USP14: variants seen among roughly 807,000 people sequenced by gnomAD.
The protein encoded by USP14 is ubiquitin specific peptidase 14, also known as ubiquitin carboxyl-terminal hydrolase 14.
In USP14, 38 loss-of-function variants were observed where a neutral mutation model predicts 76.5. The observed-to-expected ratio is 0.50, with a 90% CI of 0.38 to 0.65. The LOEUF is 0.65. Among genes scored for constraint, USP14 ranks in the 30% least tolerant of loss-of-function variants. USP14 has a pLI of 0.00. For synonymous variants in USP14, 192 were observed against 191.7 expected, an observed-to-expected ratio of 1.00 and a Z score of -0.01; for missense variants, 467 against 586.5, an observed-to-expected ratio of 0.80 and a Z score of 2.10.
rs573882727 is a variant in USP14 at position 208,531 on chromosome 18, C to T, written c.1165-1440C>T. 1.1e-4 allele frequency among the ~76,000 whole-genome samples: 16 copies of T among 152,162 alleles called. 1 individual carries two copies. Among genetic ancestry groups the T allele is most frequent in the African/African-American group, 3.9e-4 (16 of 41,496 alleles). ...TGCTTGCCTTGTGATATAAATTTCC[C>T]TTTCAGCAGTGATTTCACTATATCC... On this transcript the variant is annotated intron_variant, in intron 13 of 15. Coordinates refer to ENST00000261601, the MANE Select transcript of USP14 (RefSeq NM_005151.4).
chr18:169,220 G>A (rs566908249), intron 3 of USP14, among the ~76,000 whole-genome samples: 2 of 151,690 alleles, frequency 1.3e-5, no homozygotes, highest in African/African-American at 2.4e-5. Flanking sequence ...GTGAAACCCC[G>A]TCTCTATTAA....
At chr18:186,318 T>G (rs1366715176) in intron 5 of USP14, among the ~76,000 whole-genome samples, 1 of 152,108 alleles carries the variant, frequency 6.6e-6, no homozygotes, top group African/African-American at 2.4e-5. Flanking sequence ...TAGCTGAGTG[T>G]GGTGGTGTGC....
Position 178,917 on chromosome 18 carries a change from CT to C in USP14, c.196-9del, listed in dbSNP as rs746272562. On this transcript the variant is annotated splice_polypyrimidine_tract_variant and intron_variant, in intron 3 of 15. Transcript: ENST00000261601. The stretch of plus-strand genomic sequence containing the variant: ...ACTTTTAAGGATTTTCATGAAATTA[CT>C]TTTTTTAAAAACAGGGAATGACTCT... The C allele has an allele frequency of 2.5e-6, 4 of 1,581,888 alleles. No individual in the cohort carries two copies. The highest frequency in any genetic ancestry group is 1.9e-5 in the Admixed American group (1 of 52,510).
At chr18:181,972 G>C (rs931976084) in intron 5 of USP14, among the ~76,000 whole-genome samples, 1 of 152,010 alleles carries the variant, frequency 6.6e-6, no homozygotes, top group African/African-American at 2.4e-5. Context: ...TTTGTTGAAG[G>C]CTATTGTTTC....
intron 3 of USP14, among the ~76,000 whole-genome samples, chr18:174,171 T>C (rs779353821): frequency 5.9e-5 from 9 of 152,216 alleles, no homozygotes; most frequent in Admixed American, 3.3e-4. Context: ...TCTTCTAACT[T>C]ACAAACATGG....
rs748931275 is a variant in USP14, at chr18:210,355, CTAA to C, written c.1226-28_1226-26del. The C allele has an allele frequency of 1.3e-3, 1,940 of 1,484,648 alleles. 3 individuals carry two copies. Among genetic ancestry groups the C allele is most frequent in the Middle Eastern group, 1.9e-3 (11 of 5,732 alleles). The allele number at this position is 1,484,648 out of a possible 1,614,324, so 92.0% of individuals were successfully genotyped here. On this transcript the variant is annotated intron_variant, in intron 14 of 15. Transcript: ENST00000261601. The stretch of plus-strand genomic sequence containing the variant: ...GAGAAGGCACATGTCTATTCATTGT[CTAA>C]TATTAATGGATTTACATCTTTCTTT...
chr18:172,244 A>G (rs1405537688), intron 3 of USP14, among the ~76,000 whole-genome samples: 3 of 152,096 alleles, frequency 2.0e-5, no homozygotes, highest in Non-Finnish European at 4.4e-5. Flanking sequence ...TATCTAAAAA[A>G]CGAAAAAGAA....
rs181573697 is a variant in USP14 at position 209,239 on chromosome 18, A to G, written c.1165-732A>G. 4.5e-3 allele frequency among the ~76,000 whole-genome samples: 690 copies of G among 151,788 alleles called. 6 individuals are homozygous for G. Among genetic ancestry groups the G allele is most frequent in the Non-Finnish European group, 7.6e-3 (516 of 67,928 alleles). ...TTCAGTGATTGCTGTAGGTGATTTC[A>G]TTATCTGTATAAAAAAGATGTGATT... is the stretch of plus-strand genomic sequence containing the variant. On this transcript the variant is annotated intron_variant, in intron 13 of 15. Coordinates refer to ENST00000261601, the MANE Select transcript of USP14 (RefSeq NM_005151.4).
intron 2 of USP14, among the ~76,000 whole-genome samples, chr18:164,403 A>AT (rs61620947): frequency 0.019 from 2,687 of 144,622 alleles, 55 homozygotes; most frequent in African/African-American, 0.054. Context: ...AAAACTGTTC[A>AT]TTTTTTTTTT....
intron 3 of USP14, among the ~76,000 whole-genome samples, chr18:177,422 T>TAAA (rs550087165): frequency 9.2e-6 from 1 of 108,656 alleles, no homozygotes; most frequent in African/African-American, 3.4e-5. Context: ...TCCCTGTCTC[T>TAAA]AAAAAAAAAA....
At chr18:205,379 A>C (rs1277422954) in intron 13 of USP14, among the ~76,000 whole-genome samples, 1 of 152,174 alleles carries the variant, frequency 6.6e-6, no homozygotes, top group Non-Finnish European at 1.5e-5. Flanking sequence ...CCATCACCAC[A>C]AAGATCTTGC....
Position 211,346 on chromosome 18 carries a change from AAT to A in USP14, c.*63_*64del. On this transcript the variant is annotated 3_prime_UTR_variant, in exon 16 of 16. Coordinates refer to ENST00000261601, the MANE Select transcript of USP14 (RefSeq NM_005151.4). Reference sequence around the variant, plus strand: ...AATGTTATTTGTTGATCATTTCTATAATCCAGAGCTTTAGAGGAAGACACATA... The same window carrying A: ...AATGTTATTTGTTGATCATTTCTATACCAGAGCTTTAGAGGAAGACACATA... 6.5e-7 allele frequency: 1 copy of A among 1,532,360 alleles called. No individual in the cohort carries two copies. Among genetic ancestry groups the A allele is most frequent in the Non-Finnish European group, 8.8e-7 (1 of 1,130,456 alleles). 94.9% of individuals were successfully genotyped at this position (1,532,360 alleles called of 1,614,324 possible).
intron 5 of USP14, among the ~76,000 whole-genome samples, chr18:191,195 T>C (rs1334733787): frequency 1.3e-5 from 2 of 152,208 alleles, no homozygotes; most frequent in African/African-American, 2.4e-5. Flanking sequence ...GGAAATGTAA[T>C]GATTTTCAGG....
rs181214792 is a variant in USP14, at chr18:203,269, C to T, written c.1035+79C>T. Reference sequence around the variant, plus strand: ...CTAACTCACAATTGCTTTCATTATTCCTTTAGGAATAGTTAAGCTTTCTTT... The same window carrying T: ...CTAACTCACAATTGCTTTCATTATTTCTTTAGGAATAGTTAAGCTTTCTTT... On this transcript the variant is annotated intron_variant, in intron 12 of 15. Transcript: ENST00000261601. 143 of 1,306,906 alleles carry T rather than the reference C, an allele frequency of 1.1e-4. 1 individual carries two copies. In the Admixed American group the frequency reaches 2.9e-3, roughly 26 times the overall value. The allele number at this position is 1,306,906 out of a possible 1,614,324, so 81.0% of individuals were successfully genotyped here. A position where few individuals can be genotyped will look rare whatever the true frequency, so the allele number is the denominator to read the frequency against.
intron 9 of USP14, 109 bp from the exon 10 acceptor site, chr18:199,093 C>A: frequency 1.5e-6 from 1 of 657,864 alleles, no homozygotes; most frequent in Non-Finnish European, 2.5e-6. Flanking sequence ...GTTTTAAATG[C>A]CAATGAATGA....
chr18:201,678 C>G (rs1467857930), intron 10 of USP14, among the ~76,000 whole-genome samples: 2 of 152,146 alleles, frequency 1.3e-5, no homozygotes, highest in Admixed American at 6.5e-5. Context: ...AATGAAGTCT[C>G]AGTGTTAACT....
chr18:197,925 G>A (rs1315592812), intron 8 of USP14, 122 bp from the exon 9 acceptor site: 1 of 857,552 alleles, frequency 1.2e-6, no homozygotes, highest in African/African-American at 1.7e-5. Context: ...AATGTTTTTT[G>A]AAGGATTTTA....
At chr18:210,070 G>A in intron 14 of USP14, 39 bp downstream of exon 14, 1 of 1,491,938 alleles carries the variant, frequency 6.7e-7, no homozygotes, top group Non-Finnish European at 9.1e-7. Flanking sequence ...TATTGTATGT[G>A]GGTCTTTTTA....
intron 5 of USP14, among the ~76,000 whole-genome samples, chr18:191,177 C>T (rs1910075172): frequency 6.6e-6 from 1 of 151,996 alleles, no homozygotes; most frequent in South Asian, 2.1e-4. Flanking sequence ...GCTAAAATGT[C>T]TTAACAGGGA....
Sources: gnomAD v4.1 joint callset for allele counts (sites outside exome capture counted in the v4.1 genomes callset) on GRCh38, gnomAD v4.1.1 for gene constraint, MANE v1.5 for transcripts, NCBI Gene and HGNC (gene_info 2026-07-23, HGNC 2026-07-21) for gene names.